Variants in TNNC2 observed in about 807,000 individuals in gnomAD.
The protein encoded by TNNC2 is troponin C2, fast skeletal type, also known as troponin C, skeletal muscle.
A neutral mutation model predicts 20.0 loss-of-function variants in TNNC2; 14 were observed. The ratio of observed to expected loss-of-function variants is 0.70; its 90% CI spans 0.46 to 1.09. The LOEUF is 1.09. Among genes scored for constraint, TNNC2 ranks in the 50% least tolerant of loss-of-function variants. The pLI, the probability that TNNC2 is intolerant of heterozygous loss-of-function variation, is 0.00. For synonymous variants in TNNC2, 81 were observed against 77.3 expected (o/e 1.05, Z -0.25); for missense variants, 163 against 223.8 (o/e 0.73, Z 1.73).
upstream of TNNC2, among the ~76,000 whole-genome samples, chr20:45,830,738 G>A (rs1983089613): frequency 6.6e-6 from 1 of 152,236 alleles, no homozygotes; most frequent in Admixed American, 6.5e-5. Context: ...AATAGTCATA[G>A]TTGAACAATA....
upstream of TNNC2, among the ~76,000 whole-genome samples, chr20:45,827,969 G>T (rs970629028): frequency 6.6e-6 from 1 of 152,190 alleles, no homozygotes; most frequent in Admixed American, 6.5e-5. Context: ...ACTGTGCTAA[G>T]CATTTTAACA....
intron 1 of TNNC2, among the ~76,000 whole-genome samples, chr20:45,825,812 G>T (rs1185254436): frequency 2.0e-5 from 3 of 151,970 alleles, no homozygotes; most frequent in East Asian, 1.9e-4. Flanking sequence ...TAGAGATGAG[G>T]TTTCTCCATG....
In TNNC2 at chr20:45,824,829, G is replaced by A; in HGVS notation, c.9C>T (p.Asp3=). The change falls in exon 2 of 6, where the codon GAC becomes GAT. Residue 3 remains aspartate (D), a synonymous_variant. Coordinates refer to ENST00000372555, the MANE Select transcript of TNNC2 (RefSeq NM_003279.3). ...GGTAGGACCTGGCCTCAGCCTGCTG[G>A]TCCGTCTGCAGGAGACACAGAGAAA... MT[D]QQAEARSYLS... 1 of 1,614,046 alleles carries A rather than the reference G, an allele frequency of 6.2e-7. No individual in the cohort carries two copies. The highest frequency in any genetic ancestry group is 8.5e-7 in the Non-Finnish European group (1 of 1,180,030).
chr20:45,832,246 G>A (rs1402091412), upstream of TNNC2, among the ~76,000 whole-genome samples: 3 of 152,280 alleles, frequency 2.0e-5, no homozygotes, highest in Middle Eastern at 0.01. Flanking sequence ...GGAGGCAGAG[G>A]TTACAGTGAG....
In TNNC2 at chr20:45,823,763, G is replaced by A. The variant is rs1410178876; in HGVS notation, c.451+228C>T. Among the ~76,000 whole-genome samples, 1 of 152,054 alleles carries A rather than the reference G, an allele frequency of 6.6e-6. No homozygotes were observed. The highest frequency in any genetic ancestry group is 1.5e-5 in the Non-Finnish European group (1 of 68,006). On this transcript the variant is annotated intron_variant, in intron 5 of 5. Coordinates refer to ENST00000372555, the MANE Select transcript of TNNC2 (RefSeq NM_003279.3). This position sits in a 1 kb window ranked among gnomAD's most constrained non-coding sequence, Gnocchi z 4.6. ...CCACCTCATCCTCCCAAAGTTCTAG[G>A]ATTTTACAGTCCTGAGCCACCACGC... is the stretch of plus-strand genomic sequence containing the variant.
chr20:45,826,056 C>A (rs1026850609), intron 1 of TNNC2, among the ~76,000 whole-genome samples: 1 of 142,620 alleles, frequency 7.0e-6, no homozygotes, highest in African/African-American at 2.6e-5. Context: ...GTGCCTTCAT[C>A]TTTTCTCTGT....
In TNNC2 at chr20:45,826,654, A is replaced by G. The variant is rs183212703; in HGVS notation, c.3+592T>C. The stretch of plus-strand genomic sequence containing the variant: ...CAACAGCAGCTGGCCTCTGGGATCT[A>G]GTTACTCCTTGAAGTGAAGTGGGGA... On this transcript the variant is annotated intron_variant, in intron 1 of 5. Transcript: ENST00000372555. Among the ~76,000 whole-genome samples the G allele has an allele frequency of 5.5e-3, 838 of 152,294 alleles. 9 individuals are homozygous for G. The highest frequency in any genetic ancestry group is 0.02 in the African/African-American group (812 of 41,570).
chr20:45,827,705 G>C (rs1049663319), upstream of TNNC2, among the ~76,000 whole-genome samples: 1 of 152,288 alleles, frequency 6.6e-6, no homozygotes, highest in Non-Finnish European at 1.5e-5. Flanking sequence ...CGAGTTGTGT[G>C]ACCTTGGGCC....
chr20:45,829,713 G>T (rs1051903847), upstream of TNNC2, among the ~76,000 whole-genome samples: 55 of 150,794 alleles, frequency 3.6e-4, no homozygotes, highest in African/African-American at 1.3e-3. Flanking sequence ...GTGAACCTGG[G>T]AGGCAGAGCT....
At chr20:45,830,963 T>C (rs978861378), upstream of TNNC2, among the ~76,000 whole-genome samples, 2 of 151,670 alleles carry the variant, frequency 1.3e-5, no homozygotes, top group African/African-American at 4.8e-5. Context: ...CTGGGCAACA[T>C]GGCGAGACGC....
chr20:45,829,326 G>A (rs140702248), upstream of TNNC2, among the ~76,000 whole-genome samples: 6,870 of 151,808 alleles, frequency 0.045, 539 homozygotes, highest in African/African-American at 0.16. Flanking sequence ...CACCATGCCC[G>A]GCTAATTTTG....
upstream of TNNC2, among the ~76,000 whole-genome samples, chr20:45,829,018 T>C (rs780829881): frequency 1.2e-4 from 19 of 152,250 alleles, no homozygotes; most frequent in Admixed American, 3.3e-4. Context: ...TCTCACTCTG[T>C]CACCCAGGCT....
At chr20:45,824,896 A>C in intron 1 of TNNC2, 62 bp from the exon 2 acceptor site, 38 of 1,588,256 alleles carry the variant, frequency 2.4e-5, no homozygotes, top group Non-Finnish European at 3.2e-5. Context: ...TCCTCACCTC[A>C]AAGCCATTCT....
chr20:45,831,891 C>G (rs539520977), upstream of TNNC2, among the ~76,000 whole-genome samples: 27 of 152,278 alleles, frequency 1.8e-4, no homozygotes, highest in African/African-American at 6.0e-4. Flanking sequence ...AGGCATATAC[C>G]GAAGGACAAG....
Position 45,823,936 on chromosome 20 carries a change from C to T in TNNC2, c.451+55G>A. ...ACTGCACCGGAGCCAGGCACCAGTGCCCGCCGTCCTCTGGGGCTCCCACCC... is the reference window on the plus strand; with the variant it reads ...ACTGCACCGGAGCCAGGCACCAGTGTCCGCCGTCCTCTGGGGCTCCCACCC... On this transcript the variant is annotated intron_variant, in intron 5 of 5. Coordinates refer to ENST00000372555, the MANE Select transcript of TNNC2 (RefSeq NM_003279.3). This position sits in a 1 kb window ranked among gnomAD's most constrained non-coding sequence, Gnocchi z 4.6. 1 of 1,609,034 alleles carries T rather than the reference C, an allele frequency of 6.2e-7. No homozygotes were observed. The highest frequency in any genetic ancestry group is 8.5e-7 in the Non-Finnish European group (1 of 1,176,902).
chr20:45,823,508 C>T lies in TNNC2; in HGVS notation c.452-129G>A. 1 of 805,310 alleles carries T rather than the reference C, an allele frequency of 1.2e-6. No homozygotes were observed. Among genetic ancestry groups the T allele is most frequent in the Non-Finnish European group, 1.9e-6 (1 of 520,588 alleles). The allele number at this position is 805,310 out of a possible 1,614,324, so 49.9% of individuals were successfully genotyped here. A position where few individuals can be genotyped will look rare whatever the true frequency, so the allele number is the denominator to read the frequency against. On this transcript the variant is annotated intron_variant, in intron 5 of 5. Coordinates refer to ENST00000372555, the MANE Select transcript of TNNC2 (RefSeq NM_003279.3). The surrounding 1 kb of genome is among the most constrained non-coding windows in gnomAD (Gnocchi z 4.6). ...GTTGAGACAGAGTCTCACTCTGTTG[C>T]CAAGGTCGCCAAGGTCTGTCACCCA... is the stretch of plus-strand genomic sequence containing the variant.
rs770576553 is a variant in TNNC2, at chr20:45,824,513, C to T, written c.181G>A (p.Glu61Lys). The change falls in exon 3 of 6, where the codon GAG becomes AAG. Residue 61 changes from glutamate (E) to lysine (K), a missense_variant. Transcript: ENST00000372555. ...PTKEELDAII[E>K]EVDEDGSGTI... is the part of the protein sequence containing the mutation. The stretch of plus-strand genomic sequence containing the variant: ...CGCTCACCGTCCTCATCCACCTCCT[C>T]GATGATGGCGTCCAGCTCCTCCTTG... 1.9e-6 allele frequency: 3 copies of T among 1,613,654 alleles called. No homozygotes were observed. Among genetic ancestry groups the T allele is most frequent in the Admixed American group, 3.3e-5 (2 of 60,018 alleles).
At position 45,827,297 on chromosome 20, in the gene TNNC2, T is replaced by G. The variant is rs1982998333; in HGVS notation, c.-49A>C. 1.2e-6 allele frequency: 2 copies of G among 1,613,622 alleles called. No individual in the cohort carries two copies. Among genetic ancestry groups the G allele is most frequent in the Non-Finnish European group, 1.7e-6 (2 of 1,179,722 alleles). On this transcript the variant is annotated 5_prime_UTR_variant, in exon 1 of 6. Coordinates refer to ENST00000372555, the MANE Select transcript of TNNC2 (RefSeq NM_003279.3). ...CTGTTGCAGGTCGCCTCCTTTGCAC[T>G]CCACCACCCAAAGATGACCTGGCCT...
chr20:45,824,696 A>AGCCC (rs1982915996), intron 2 of TNNC2, 58 bp from the exon 3 acceptor site: 5 of 1,386,398 alleles, frequency 3.6e-6, no homozygotes, highest in Admixed American at 2.1e-5. Flanking sequence ...CCTCACACCT[A>AGCCC]CCCCCCCCCA....
Sources: gnomAD v4.1 joint callset for allele counts (sites outside exome capture counted in the v4.1 genomes callset) on GRCh38, gnomAD v4.1.1 for gene constraint, Gnocchi (gnomAD v3.1) non-coding constraint, MANE v1.5 for transcripts, NCBI Gene and HGNC (gene_info 2026-07-23, HGNC 2026-07-21) for gene names.